Variants in KLHDC7B observed in about 807,000 individuals in gnomAD.
KLHDC7B encodes kelch domain containing 7B.
KLHDC7B carries 1 observed loss-of-function variant against 0.6 expected under a neutral mutation model. The ratio of observed to expected loss-of-function variants is 1.71; its 90% CI spans 0.61 to 8.11. The LOEUF (loss-of-function observed/expected upper bound fraction) is 8.11, where lower values mean the gene tolerates loss of function less well. Among genes scored for constraint, KLHDC7B ranks in the 30% most tolerant of loss-of-function variants. KLHDC7B has a pLI of 0.13. For synonymous variants in KLHDC7B, 462 were observed against 405.2 expected, an observed-to-expected ratio of 1.14 and a Z score of -1.68; for missense variants, 993 against 894.9, an observed-to-expected ratio of 1.11 and a Z score of -1.40.
In KLHDC7B at chr22:50,548,903, T is replaced by C. The variant is rs772829250; in HGVS notation, c.2660T>C (p.Met887Thr). 4 of 1,588,972 alleles carry C rather than the reference T, an allele frequency of 2.5e-6. No individual in the cohort carries two copies. Among genetic ancestry groups the C allele is most frequent in the Non-Finnish European group, 3.4e-6 (4 of 1,169,082 alleles). ...CTGGCGCAGGAGACCTACGCGCTGA[T>C]GAGCGACAACCTGCTGCGAGTGCTG... The part of the protein sequence containing the change: ...PGLAQETYAL[M>T]SDNLLRVLGD... The change falls in exon 1 of 1, where the codon ATG (methionine) becomes ACG (threonine). Residue 887 changes from methionine to threonine, a missense_variant. Physicochemically the swap from Met to Thr is moderately conservative, Grantham distance 81. Transcript: ENST00000648057. This position sits in a 1 kb window ranked among gnomAD's most constrained non-coding sequence, Gnocchi z 5.3.
Position 50,549,303 on chromosome 22 carries a change from C to T in KLHDC7B, c.3060C>T (p.Asn1020=). ...GCTCCAACGAGGTCTTCTGCTACAA[C>T]CCTCTGACCAACATCTGGAGCCAGG... The part of the protein sequence containing the change: ...AVCSNEVFCY[N]PLTNIWSQVR... The change falls in exon 1 of 1, where the codon AAC becomes AAT. Residue 1020 remains asparagine (N), a synonymous_variant. Coordinates refer to ENST00000648057, the MANE Select transcript of KLHDC7B (RefSeq NM_138433.5). 3 of 1,612,686 alleles carry T rather than the reference C, an allele frequency of 1.9e-6. No homozygotes were observed. Among genetic ancestry groups the T allele is most frequent in the Non-Finnish European group, 1.7e-6 (2 of 1,179,994 alleles).
Position 50,547,151 on chromosome 22 carries a change from C to G in KLHDC7B, c.908C>G (p.Thr303Arg), listed in dbSNP as rs1240982767. Residue 303 changes from threonine to arginine, a missense_variant, in exon 1 of 1, where the codon ACG (threonine) becomes AGG (arginine). Physicochemically the swap from Thr to Arg is moderately conservative, Grantham distance 71. Transcript: ENST00000648057. ...CGCGCCCTGCAGCCTGGGTCTCAGA[C>G]GGAAGGCTCTGGGGCCAAGGGTGGC... ...APRALQPGSQ[T>R]EGSGAKGGWS... Among the ~76,000 whole-genome samples the G allele has an allele frequency of 6.6e-6, 1 of 151,706 alleles. No homozygotes were observed. The highest frequency in any genetic ancestry group is 6.6e-5 in the Admixed American group (1 of 15,264).
At position 50,547,530 on chromosome 22, in the gene KLHDC7B, G is replaced by A. The variant is rs1793110823; in HGVS notation, c.1287G>A (p.Gly429=). ...CCCCGCCCGCAGCTCCCGGCCCGGG[G>A]TTCCCACCTGAAGCCCTGACTCTCC... The part of the protein sequence containing the change: ...SASPPAAPGP[G]FPPEALTLPS... The change falls in exon 1 of 1, where the codon GGG becomes GGA. Residue 429 remains glycine, a synonymous_variant. Transcript: ENST00000648057. 16 of 398,548 alleles carry A rather than the reference G, an allele frequency of 4.0e-5. No individual in the cohort carries two copies. Among genetic ancestry groups the A allele is most frequent in the Non-Finnish European group, 5.8e-5 (13 of 226,044 alleles). 24.7% of individuals were successfully genotyped at this position (398,548 alleles called of 1,614,324 possible). A position where few individuals can be genotyped will look rare whatever the true frequency, so the allele number is the denominator to read the frequency against.
At position 50,546,335 on chromosome 22, in the gene KLHDC7B, T is replaced by C. The variant is rs1011475010; in HGVS notation, c.92T>C (p.Leu31Pro). ...TGGGATAGTGCTGTGCTGGCCCTCC[T>C]GGCGCTGGCTGTGGTGGCTGCCACA... ...NDWDSAVLAL[L>P]ALAVVAATAL... is the part of the protein sequence containing the mutation. The change falls in exon 1 of 1, where the codon CTG becomes CCG. Residue 31 changes from leucine (L) to proline (P), a missense_variant. Leu to Pro is a moderately conservative substitution (Grantham distance 98). Coordinates refer to ENST00000648057, the MANE Select transcript of KLHDC7B (RefSeq NM_138433.5). The C allele has an allele frequency of 5.0e-6, 2 of 399,278 alleles. No homozygotes were observed. The highest frequency in any genetic ancestry group is 8.8e-6 in the Non-Finnish European group (2 of 226,282). The allele number at this position is 399,278 out of a possible 1,614,324, so 24.7% of individuals were successfully genotyped here. A position where few individuals can be genotyped will look rare whatever the true frequency, so the allele number is the denominator to read the frequency against.
rs1045527472 is a variant in KLHDC7B at position 50,550,020 on chromosome 22, G to A, written c.*69G>A. On this transcript the variant is annotated 3_prime_UTR_variant, in exon 1 of 1. Transcript: ENST00000648057. ...GACCCTCCTGGGATGGGCCTGAGAG[G>A]CCGGGGCTCAGGGAAGGGGCTGGGA... The A allele has an allele frequency of 1.4e-6, 2 of 1,413,280 alleles. No homozygotes were observed. The highest frequency in any genetic ancestry group is 9.4e-7 in the Non-Finnish European group (1 of 1,066,948). The allele number at this position is 1,413,280 out of a possible 1,614,324, so 87.5% of individuals were successfully genotyped here. A position where few individuals can be genotyped will look rare whatever the true frequency, so the allele number is the denominator to read the frequency against.
In KLHDC7B at chr22:50,546,118, C is replaced by A. The variant is rs560229459; in HGVS notation, c.-126C>A. On this transcript the variant is annotated 5_prime_UTR_variant, in exon 1 of 1. It adds an upstream start codon to the 5' untranslated region. Coordinates refer to ENST00000648057, the MANE Select transcript of KLHDC7B (RefSeq NM_138433.5). ...GCAGAGACCCCACCATTCCCAGGCC[C>A]TGGAGGACTGGTCCACCTTAACTGG... Among the ~76,000 whole-genome samples the A allele has an allele frequency of 6.6e-6, 1 of 152,340 alleles. No homozygotes were observed. The highest frequency in any genetic ancestry group is 1.5e-5 in the Non-Finnish European group (1 of 68,034).
Position 50,546,953 on chromosome 22 carries a change from G to C in KLHDC7B, c.710G>C (p.Gly237Ala), listed in dbSNP as rs1406206157. Residue 237 changes from glycine (G) to alanine (A), a missense_variant, in exon 1 of 1, where the codon GGC becomes GCC. Gly to Ala is a moderately conservative substitution (Grantham distance 60, BLOSUM62 0). Coordinates refer to ENST00000648057, the MANE Select transcript of KLHDC7B (RefSeq NM_138433.5). ...GRGRRRRMDA[G>A]SGDRARRPRK... Reference sequence around the variant, plus strand: ...GGCCGGCGGCGGCGGATGGACGCTGGCTCGGGAGACAGAGCCCGCCGCCCC... The same window carrying C: ...GGCCGGCGGCGGCGGATGGACGCTGCCTCGGGAGACAGAGCCCGCCGCCCC... 6.6e-6 allele frequency among the ~76,000 whole-genome samples: 1 copy of C among 151,594 alleles called. No homozygotes were observed. Among genetic ancestry groups the C allele is most frequent in the Non-Finnish European group, 1.5e-5 (1 of 67,832 alleles).
At position 50,548,253 on chromosome 22, in the gene KLHDC7B, C is replaced by T. The variant is rs2069756185; in HGVS notation, c.2010C>T (p.Pro670=). 1 of 1,551,024 alleles carries T rather than the reference C, an allele frequency of 6.4e-7. No homozygotes were observed. The highest frequency in any genetic ancestry group is 8.7e-7 in the Non-Finnish European group (1 of 1,146,904). ...PRAVPGSPVG[P]STSTHSEDRH... is the part of the protein sequence containing the mutation. Reference sequence around the variant, plus strand: ...CGGTTCCCGGGAGCCCCGTGGGTCCCAGCACTTCCACACACTCTGAGGACA... The same window carrying T: ...CGGTTCCCGGGAGCCCCGTGGGTCCTAGCACTTCCACACACTCTGAGGACA... Residue 670 remains proline, a synonymous_variant, in exon 1 of 1, where the codon CCC becomes CCT. Coordinates refer to ENST00000648057, the MANE Select transcript of KLHDC7B (RefSeq NM_138433.5). The surrounding 1 kb of genome is among the most constrained non-coding windows in gnomAD (Gnocchi z 5.3).
chr22:50,549,350 G>C lies in KLHDC7B; in HGVS notation c.3107G>C (p.Arg1036Pro). The C allele has an allele frequency of 6.2e-7, 1 of 1,612,850 alleles. No homozygotes were observed. The part of the protein sequence containing the change: ...WSQVRPMQQA[R>P]AQLKLVALDG... ...CAGGTTCGGCCCATGCAGCAGGCCCGAGCCCAGCTCAAGCTGGTGGCCCTG... is the reference window on the plus strand; with the variant it reads ...CAGGTTCGGCCCATGCAGCAGGCCCCAGCCCAGCTCAAGCTGGTGGCCCTG... Residue 1036 changes from arginine (R) to proline (P), a missense_variant, in exon 1 of 1, where the codon CGA (arginine) becomes CCA (proline). Arg to Pro is a moderately radical substitution (Grantham distance 103). Transcript: ENST00000648057.
In KLHDC7B at chr22:50,549,343, C is replaced by T; in HGVS notation, c.1177C>T (p.Gln393Ter). The change falls in exon 1 of 1, where the codon CAG becomes TAG. Residue 393 changes from glutamine to a stop codon, truncating the protein, a stop_gained. Transcript: ENST00000395676. LOFTEE classifies it low-confidence loss of function (END_TRUNC). ...CTGGAGCCAGGTTCGGCCCATGCAG[C>T]AGGCCCGAGCCCAGCTCAAGCTGGT... is the stretch of plus-strand genomic sequence containing the variant. 6.2e-7 allele frequency: 1 copy of T among 1,612,874 alleles called. No homozygotes were observed. The highest frequency in any genetic ancestry group is 1.1e-5 in the South Asian group (1 of 91,088).
chr22:50,550,132 C>A lies in KLHDC7B; in HGVS notation c.*181C>A. Reference sequence around the variant, plus strand: ...ATTTTGAAGCCCAGACTCCCTCAGCCTCTTTCTGCCCCTCACTCCACACCC... The same window carrying A: ...ATTTTGAAGCCCAGACTCCCTCAGCATCTTTCTGCCCCTCACTCCACACCC... On this transcript the variant is annotated 3_prime_UTR_variant, in exon 1 of 1. Transcript: ENST00000648057. 1.6e-6 allele frequency: 1 copy of A among 623,116 alleles called. No homozygotes were observed. Among genetic ancestry groups the A allele is most frequent in the Non-Finnish European group, 2.7e-6 (1 of 366,134 alleles). The allele number at this position is 623,116 out of a possible 1,614,324, so 38.6% of individuals were successfully genotyped here.
chr22:50,548,632 G>A lies in KLHDC7B; in HGVS notation c.2389G>A (p.Gly797Arg). ...GCCGGCCGCCTCGGGGGACCCTCAA[G>A]GGGAGGCGCCGGGGGAGGGGGGCAG... ...VRPAASGDPQ[G>R]EAPGEGGSPA... Residue 797 changes from glycine (G) to arginine (R), a missense_variant, in exon 1 of 1, where the codon GGG becomes AGG. By Grantham distance (125) the Gly-to-Arg change is moderately radical. Coordinates refer to ENST00000648057, the MANE Select transcript of KLHDC7B (RefSeq NM_138433.5). The surrounding 1 kb of genome is among the most constrained non-coding windows in gnomAD (Gnocchi z 5.3). 1 of 1,536,138 alleles carries A rather than the reference G, an allele frequency of 6.5e-7. No homozygotes were observed. The highest frequency in any genetic ancestry group is 8.8e-7 in the Non-Finnish European group (1 of 1,141,560).
In KLHDC7B at chr22:50,548,139, C is replaced by G; in HGVS notation, c.1896C>G (p.Val632=). 1 of 1,474,972 alleles carries G rather than the reference C, an allele frequency of 6.8e-7. No individual in the cohort carries two copies. The highest frequency in any genetic ancestry group is 1.4e-5 in the South Asian group (1 of 73,266). The allele number at this position is 1,474,972 out of a possible 1,614,324, so 91.4% of individuals were successfully genotyped here. A position where few individuals can be genotyped will look rare whatever the true frequency, so the allele number is the denominator to read the frequency against. The change falls in exon 1 of 1, where the codon GTC becomes GTG. Residue 632 remains valine (V), a synonymous_variant. Coordinates refer to ENST00000648057, the MANE Select transcript of KLHDC7B (RefSeq NM_138433.5). The surrounding 1 kb of genome is among the most constrained non-coding windows in gnomAD (Gnocchi z 5.3). ...CCAGGCGCTACCAGGAGGGGCAGGTCTCAGCCAGCTGGGGAAACCTTATTG... is the reference window on the plus strand; with the variant it reads ...CCAGGCGCTACCAGGAGGGGCAGGTGTCAGCCAGCTGGGGAAACCTTATTG... The part of the protein sequence containing the change: ...ALPRRYQEGQ[V]SASWGNLIAM...
Position 50,548,439 on chromosome 22 carries a change from T to A in KLHDC7B, c.2196T>A (p.Ser732Arg). The A allele has an allele frequency of 1.3e-6, 2 of 1,578,680 alleles. No homozygotes were observed. The highest frequency in any genetic ancestry group is 8.6e-7 in the Non-Finnish European group (1 of 1,162,934). ...GAGGAGAGGGAACCAGGGAGAAAAG[T>A]CTAGACCCGCTGCCCCAAGCCGCGA... ...GLRGEGTREK[S>R]LDPLPQAAMP... The change falls in exon 1 of 1, where the codon AGT becomes AGA. Residue 732 changes from serine to arginine, a missense_variant. Ser to Arg is a moderately radical substitution (Grantham distance 110). Coordinates refer to ENST00000648057, the MANE Select transcript of KLHDC7B (RefSeq NM_138433.5). This position sits in a 1 kb window ranked among gnomAD's most constrained non-coding sequence, Gnocchi z 5.3.
upstream of KLHDC7B, chr22:50,547,536 ACCTGAAGC>A (rs2069745309): frequency 2.5e-6 from 1 of 398,210 alleles, no homozygotes; most frequent in Non-Finnish European, 4.4e-6. Context: ...CGGGGTTCCC[ACCTGAAGC>A]CCTGACTCTC....
Position 50,549,789 on chromosome 22 carries a change from T to C in KLHDC7B, c.3546T>C (p.Ile1182=). Residue 1182 remains isoleucine (I), a synonymous_variant, in exon 1 of 1, where the codon ATT becomes ATC. Transcript: ENST00000648057. ...ACTGCACCACCCTGGGCAACACCAT[T>C]TACTGCCTCAACCCCCAGGTCACTG... ...PLHCTTLGNT[I]YCLNPQVTAT... 1.9e-6 allele frequency: 3 copies of C among 1,578,742 alleles called. No homozygotes were observed. The highest frequency in any genetic ancestry group is 2.2e-5 in the South Asian group (2 of 89,798).
Position 50,547,443 on chromosome 22 carries a change from G to A in KLHDC7B, c.1200G>A (p.Pro400=), listed in dbSNP as rs150330569. The stretch of plus-strand genomic sequence containing the variant: ...CCCGGCCCCCGGAGCAAGCAAAGCC[G>A]GCTGCAGCCGGCCACAGCCGCGCGC... The part of the protein sequence containing the change: ...GPTRPPEQAK[P]AAAGHSRAPS... Residue 400 remains proline, a synonymous_variant, in exon 1 of 1, where the codon CCG becomes CCA. Coordinates refer to ENST00000648057, the MANE Select transcript of KLHDC7B (RefSeq NM_138433.5). The A allele has an allele frequency of 1.1e-5, 4 of 373,328 alleles. No individual in the cohort carries two copies. The highest frequency in any genetic ancestry group is 3.9e-5 in the East Asian group (1 of 25,770). The allele number at this position is 373,328 out of a possible 1,614,324, so 23.1% of individuals were successfully genotyped here.
chr22:50,549,159 C>T lies in KLHDC7B; in HGVS notation c.2916C>T (p.Thr972=), dbSNP rs562289879. The change falls in exon 1 of 1, where the codon ACC becomes ACT. Residue 972 remains threonine, a synonymous_variant. Transcript: ENST00000648057. The part of the protein sequence containing the change: ...HLHVFNPREN[T]WRPLTQVPEE... ...ATGTGTTCAACCCCCGGGAGAACAC[C>T]TGGCGGCCCCTGACCCAGGTGCCCG... The T allele has an allele frequency of 6.2e-7, 1 of 1,604,474 alleles. No homozygotes were observed. The highest frequency in any genetic ancestry group is 2.2e-5 in the East Asian group (1 of 44,854).
Position 50,548,674 on chromosome 22 carries a change from G to C in KLHDC7B, c.2431G>C (p.Gly811Arg). 2 of 1,520,622 alleles carry C rather than the reference G, an allele frequency of 1.3e-6. No homozygotes were observed. Among genetic ancestry groups the C allele is most frequent in the African/African-American group, 1.4e-5 (1 of 70,864 alleles). 94.2% of individuals were successfully genotyped at this position (1,520,622 alleles called of 1,614,324 possible). A position where few individuals can be genotyped will look rare whatever the true frequency, so the allele number is the denominator to read the frequency against. ...GEGGSPAGRSGALTEKQEEAR... is the reference protein window; with the variant it reads ...GEGGSPAGRSRALTEKQEEAR... ...GGGGGGCAGCCCTGCCGGCCGCAGC[G>C]GGGCGCTCACGGAAAAGCAGGAGGA... Residue 811 changes from glycine (G) to arginine (R), a missense_variant, in exon 1 of 1, where the codon GGG (glycine) becomes CGG (arginine). Physicochemically the swap from Gly to Arg is moderately radical, Grantham distance 125. Coordinates refer to ENST00000648057, the MANE Select transcript of KLHDC7B (RefSeq NM_138433.5). This position sits in a 1 kb window ranked among gnomAD's most constrained non-coding sequence, Gnocchi z 5.3.
Sources: allele counts gnomAD v4.1 joint callset (sites outside exome capture counted in the v4.1 genomes callset), GRCh38; gene constraint gnomAD v4.1.1; non-coding constraint Gnocchi (gnomAD v3.1); transcripts MANE v1.5; gene names NCBI Gene and HGNC (gene_info 2026-07-23, HGNC 2026-07-21).